Variants in CCDC88A observed in about 807,000 individuals in gnomAD.
The protein encoded by CCDC88A is girdin.
A neutral mutation model predicts 234.3 loss-of-function variants in CCDC88A; 54 were observed. That is an observed-to-expected ratio of 0.23 (90% CI 0.19 to 0.29). The LOEUF (loss-of-function observed/expected upper bound fraction) is 0.29, where lower values mean the gene tolerates loss of function less well. Among genes scored for constraint, CCDC88A ranks in the 10% least tolerant of loss-of-function variants. The pLI is 1.00. For missense variants in CCDC88A, 1,832 were observed against 2,123.4 expected (o/e 0.86, Z 2.70); for synonymous variants, 753 against 737.8 (o/e 1.02, Z -0.33).
At chr2:55,395,335 T>C (rs1677345808) in intron 2 of CCDC88A, among the ~76,000 whole-genome samples, 1 of 152,216 alleles carries the variant, frequency 6.6e-6, no homozygotes, top group Non-Finnish European at 1.5e-5. Flanking sequence ...AATATGTTAA[T>C]GTAGTGAGTT....
intron 2 of CCDC88A, among the ~76,000 whole-genome samples, chr2:55,394,968 C>T (rs2104918448): frequency 6.6e-6 from 1 of 152,064 alleles, no homozygotes; most frequent in African/African-American, 2.4e-5. Flanking sequence ...GCCTTAGCCT[C>T]CCGAGTAGCT....
At chr2:55,381,026 A>G (rs1047931307) in intron 3 of CCDC88A, among the ~76,000 whole-genome samples, 3 of 152,228 alleles carry the variant, frequency 2.0e-5, no homozygotes, top group African/African-American at 7.2e-5. Flanking sequence ...TGGTGGTCAC[A>G]TAAGATTATA....
chr2:55,304,373 CT>C (rs1470873066), intron 25 of CCDC88A, among the ~76,000 whole-genome samples: 2 of 152,130 alleles, frequency 1.3e-5, no homozygotes, highest in Non-Finnish European at 2.9e-5. Flanking sequence ...AAATAAATTC[CT>C]TCTTGGTTTA....
At chr2:55,416,105 A>G (rs976305224) in intron 2 of CCDC88A, among the ~76,000 whole-genome samples, 1 of 152,080 alleles carries the variant, frequency 6.6e-6, no homozygotes, top group Non-Finnish European at 1.5e-5. Flanking sequence ...AGACATAGAC[A>G]TTAAGCCAAT....
intron 2 of CCDC88A, among the ~76,000 whole-genome samples, chr2:55,408,693 A>G (rs1222609229): frequency 2.6e-5 from 4 of 152,316 alleles, no homozygotes; most frequent in Non-Finnish European, 5.9e-5. Context: ...ATGGGCAATC[A>G]GCAGCCCTCA....
rs2104689575 is a variant in CCDC88A at position 55,334,591 on chromosome 2, G to A, written c.2230C>T (p.Leu744=). The A allele has an allele frequency of 6.2e-7, 1 of 1,613,098 alleles. No individual in the cohort carries two copies. The highest frequency in any genetic ancestry group is 8.5e-7 in the Non-Finnish European group (1 of 1,179,588). The change falls in exon 15 of 33, where the codon CTG becomes TTG. Residue 744 remains leucine (L), a synonymous_variant. Coordinates refer to ENST00000436346, the MANE Select transcript of CCDC88A (RefSeq NM_001365480.1). The surrounding 1 kb of genome is among the most constrained non-coding windows in gnomAD (Gnocchi z 6.1). ...KEQLKKGLEL[L]KASFKKTERL... is the part of the protein sequence containing the mutation. ...TCTGTTTTCTTGAAAGATGCTTTCA[G>A]GAGCTCCAAACCCTTCTTAAGTTGC...
rs1364036166 is a variant in CCDC88A at position 55,317,195 on chromosome 2, ATATT to A, written c.3746+7_3746+10del. 36 of 1,193,566 alleles carry A rather than the reference ATATT, an allele frequency of 3.0e-5. No homozygotes were observed. The highest frequency in any genetic ancestry group is 3.1e-5 in the Non-Finnish European group (27 of 880,604). 73.9% of individuals were successfully genotyped at this position (1,193,566 alleles called of 1,614,324 possible). A position where few individuals can be genotyped will look rare whatever the true frequency, so the allele number is the denominator to read the frequency against. On this transcript the variant is annotated splice_region_variant and intron_variant, in intron 21 of 32. Coordinates refer to ENST00000436346, the MANE Select transcript of CCDC88A (RefSeq NM_001365480.1). The surrounding 1 kb of genome is among the most constrained non-coding windows in gnomAD (Gnocchi z 4.2). ...ATAAAATGTTTGTTATATATAATAT[ATATT>A]TATTACCTATCATTTTCACCACAAA...
chr2:55,333,426 T>C (rs956492137), intron 15 of CCDC88A, among the ~76,000 whole-genome samples: 9 of 152,198 alleles, frequency 5.9e-5, no homozygotes, highest in African/African-American at 2.2e-4. Flanking sequence ...TTCAAGCAAA[T>C]ACTAGTTGCT....
At chr2:55,349,256 T>C (rs1331526524) in intron 9 of CCDC88A, 2 of 385,776 alleles carry the variant, frequency 5.2e-6, no homozygotes, top group African/African-American at 2.1e-5. Flanking sequence ...GCCAAACACA[T>C]CAAAAAGAAA....
At chr2:55,320,650 T>TA (rs1683505744) in intron 18 of CCDC88A, among the ~76,000 whole-genome samples, 1 of 152,170 alleles carries the variant, frequency 6.6e-6, no homozygotes, top group African/African-American at 2.4e-5. Context: ...TAGGCATTTA[T>TA]AAATGGCCAA....
At chr2:55,374,989 T>C (rs1558767298) in intron 3 of CCDC88A, 106 bp from the exon 4 acceptor site, 1 of 651,160 alleles carries the variant, frequency 1.5e-6, no homozygotes, top group Non-Finnish European at 2.7e-6. Flanking sequence ...TGTGCTATAT[T>C]GCAATTAAAC....
intron 8 of CCDC88A, among the ~76,000 whole-genome samples, chr2:55,351,933 C>T (rs891670565): frequency 6.6e-6 from 1 of 152,142 alleles, no homozygotes; most frequent in Admixed American, 6.5e-5. Flanking sequence ...ATGGATGAAC[C>T]TGGAAAACGT....
At position 55,335,208 on chromosome 2, in the gene CCDC88A, A is replaced by G. The variant is rs1685331948; in HGVS notation, c.1657-44T>C. On this transcript the variant is annotated intron_variant, in intron 14 of 32. Coordinates refer to ENST00000436346, the MANE Select transcript of CCDC88A (RefSeq NM_001365480.1). This position sits in a 1 kb window ranked among gnomAD's most constrained non-coding sequence, Gnocchi z 4.5. The stretch of plus-strand genomic sequence containing the variant: ...AATTAAAAGCTGTAATTGAGGAAAA[A>G]CTAACTATGGTTTATCTCTTCCAAA... The G allele has an allele frequency of 1.6e-6, 2 of 1,248,952 alleles. No homozygotes were observed. The highest frequency in any genetic ancestry group is 1.5e-5 in the African/African-American group (1 of 66,116). 77.4% of individuals were successfully genotyped at this position (1,248,952 alleles called of 1,614,324 possible).
At chr2:55,331,284 A>C (rs1684881657) in intron 16 of CCDC88A, among the ~76,000 whole-genome samples, 1 of 152,220 alleles carries the variant, frequency 6.6e-6, no homozygotes, top group African/African-American at 2.4e-5. Context: ...AAATAAAAAT[A>C]TTTCCTCATG....
intron 2 of CCDC88A, among the ~76,000 whole-genome samples, chr2:55,393,598 CTA>C (rs1281225931): frequency 1.3e-5 from 2 of 151,924 alleles, no homozygotes; most frequent in East Asian, 3.9e-4. Context: ...CCAGCCAAAA[CTA>C]TAGAGTTTTT....
chr2:55,397,352 C>T (rs994966395), intron 2 of CCDC88A: 1 of 152,138 alleles, frequency 6.6e-6, no homozygotes, highest in African/African-American at 2.4e-5. Flanking sequence ...GCTTTGGCCT[C>T]CCAAAGTGCT....
intron 16 of CCDC88A, among the ~76,000 whole-genome samples, chr2:55,331,084 C>T (rs1043088538): frequency 4.6e-5 from 7 of 152,184 alleles, no homozygotes; most frequent in Non-Finnish European, 8.8e-5. Flanking sequence ...CCACCCAGAG[C>T]TGGGTTCATA....
intron 3 of CCDC88A, among the ~76,000 whole-genome samples, chr2:55,381,730 A>T (rs4233960): frequency 0.92 from 140,234 of 152,228 alleles, 64,846 homozygotes; most frequent in African/African-American, 0.97. Flanking sequence ...TCCTTCTTCC[A>T]AGAAATTATC....
In CCDC88A at chr2:55,419,293, A is replaced by G; in HGVS notation, c.-214T>C. On this transcript the variant is annotated 5_prime_UTR_variant, in exon 1 of 33. Transcript: ENST00000436346. Reference sequence around the variant, plus strand: ...AGAAGTGGCTTCGACGACGGACACCACGAGCAGCAGCCTGCGCTGGAAATG... The same window carrying G: ...AGAAGTGGCTTCGACGACGGACACCGCGAGCAGCAGCCTGCGCTGGAAATG... 1.9e-6 allele frequency: 1 copy of G among 540,350 alleles called. No individual in the cohort carries two copies. Among genetic ancestry groups the G allele is most frequent in the South Asian group, 2.1e-5 (1 of 46,722 alleles). 33.5% of individuals were successfully genotyped at this position (540,350 alleles called of 1,614,324 possible). A position where few individuals can be genotyped will look rare whatever the true frequency, so the allele number is the denominator to read the frequency against.
Sources: gnomAD v4.1 joint callset for allele counts (sites outside exome capture counted in the v4.1 genomes callset) on GRCh38, gnomAD v4.1.1 for gene constraint, Gnocchi (gnomAD v3.1) non-coding constraint, MANE v1.5 for transcripts, NCBI Gene and HGNC (gene_info 2026-07-23, HGNC 2026-07-21) for gene names.